Variants in LINGO2 observed in about 807,000 individuals in gnomAD.
LINGO2 encodes leucine rich repeat and Ig domain containing 2, also known as leucine-rich repeat and immunoglobulin-like domain-containing nogo receptor-interacting protein 2.
Under a neutral mutation model 30.6 loss-of-function variants are expected in LINGO2, and 14 were observed. The observed-to-expected ratio is 0.46, with a 90% CI of 0.30 to 0.72. LINGO2 has a LOEUF of 0.72. Ranked by LOEUF, LINGO2 falls within the 30% of genes least tolerant of loss-of-function variation. LINGO2 has a pLI of 0.07. For missense variants in LINGO2, 729 were observed against 751.7 expected, an observed-to-expected ratio of 0.97 and a Z score of 0.35; for synonymous variants, 317 against 288.5, an observed-to-expected ratio of 1.10 and a Z score of -1.00.
chr9:28,124,856 A>G (rs1383920110), intron 4 of LINGO2, among the ~76,000 whole-genome samples: 1 of 152,234 alleles, frequency 6.6e-6, no homozygotes, highest in East Asian at 1.9e-4. Flanking sequence ...AATCAAGTAA[A>G]TCTCTAGCGA....
the LINGO2 span, among the ~76,000 whole-genome samples, chr9:29,172,406 G>A: frequency 5.3e-5 from 8 of 151,676 alleles, no homozygotes; most frequent in Admixed American, 1.3e-4. Flanking sequence ...TTTAAAACTC[G>A]TTTAAATTAA....
chr9:28,777,316 C>A, the LINGO2 span, among the ~76,000 whole-genome samples: 1 of 152,234 alleles, frequency 6.6e-6, no homozygotes, highest in East Asian at 1.9e-4. Context: ...GAAAGGGAGG[C>A]ATAGAAACTT....
chr9:28,507,189 T>TA (rs1318342321), intron 1 of LINGO2, among the ~76,000 whole-genome samples: 3 of 150,838 alleles, frequency 2.0e-5, no homozygotes, highest in African/African-American at 7.3e-5. Flanking sequence ...AAATCAGAAA[T>TA]AGACCTTACT....
rs56166353 is a variant in LINGO2, at chr9:28,262,270, C to CT, written c.-87+32937dup. Among the ~76,000 whole-genome samples, 1,355 of 151,134 alleles carry CT rather than the reference C, an allele frequency of 9.0e-3. 25 individuals are homozygous for CT. Among genetic ancestry groups the CT allele is most frequent in the African/African-American group, 0.031 (1,295 of 41,226 alleles). On this transcript the variant is annotated intron_variant, in intron 4 of 5. Transcript: ENST00000379992. Reference sequence around the variant, plus strand: ...ACCTACTAGTCCTTACTGAATATTACTTTTTTTTTTGTCTATGCTTATGTA... The same window carrying CT: ...ACCTACTAGTCCTTACTGAATATTACTTTTTTTTTTTGTCTATGCTTATGTA...
chr9:28,794,373 A>C, the LINGO2 span, among the ~76,000 whole-genome samples: 2 of 152,188 alleles, frequency 1.3e-5, no homozygotes, highest in African/African-American at 2.4e-5. Flanking sequence ...TCTGAACTAG[A>C]TTAACTTTAT....
chr9:27,959,225 G>T (rs1158691356), intron 5 of LINGO2, among the ~76,000 whole-genome samples: 1 of 147,310 alleles, frequency 6.8e-6, no homozygotes, highest in African/African-American at 2.7e-5. Flanking sequence ...ACCAACTTTT[G>T]CTTGTATTGA....
At chr9:28,816,895 A>G in the LINGO2 span, among the ~76,000 whole-genome samples, 6 of 152,198 alleles carry the variant, frequency 3.9e-5, no homozygotes, top group Admixed American at 3.9e-4. Flanking sequence ...AGAGTACCCA[A>G]TGAAGCATTT....
chr9:28,714,688 A>C, the LINGO2 span, among the ~76,000 whole-genome samples: 31,740 of 151,976 alleles, frequency 0.21, 4,604 homozygotes, highest in African/African-American at 0.42. Context: ...CGTTATCTAG[A>C]TAGTATAATT....
chr9:28,585,185 T>A (rs939674679), intron 1 of LINGO2, among the ~76,000 whole-genome samples: 2 of 152,094 alleles, frequency 1.3e-5, no homozygotes, highest in African/African-American at 4.8e-5. Context: ...ACAACATTTT[T>A]AAAATCTCAG....
intron 2 of LINGO2, among the ~76,000 whole-genome samples, chr9:28,394,883 C>T (rs763561849): frequency 1.8e-4 from 27 of 152,302 alleles, no homozygotes; most frequent in Non-Finnish European, 3.4e-4. Flanking sequence ...TCATTTTCTT[C>T]TTTAGTAAAA....
chr9:29,188,915 A>T, the LINGO2 span, among the ~76,000 whole-genome samples: 3 of 141,560 alleles, frequency 2.1e-5, no homozygotes, highest in Non-Finnish European at 4.6e-5. Context: ...GGCCGGGCAG[A>T]GGCGCCCCTC....
At chr9:28,354,037 G>T (rs1397033927) in intron 3 of LINGO2, among the ~76,000 whole-genome samples, 1 of 152,070 alleles carries the variant, frequency 6.6e-6, no homozygotes, top group African/African-American at 2.4e-5. Context: ...AGCATCGGGA[G>T]ATATACCTAA....
the LINGO2 span, among the ~76,000 whole-genome samples, chr9:28,829,039 C>T: frequency 6.6e-6 from 1 of 152,178 alleles, no homozygotes; most frequent in African/African-American, 2.4e-5. Context: ...ACCCATGGCC[C>T]GTCCCACTCC....
chr9:28,031,040 AT>A (rs1823643892), intron 4 of LINGO2, among the ~76,000 whole-genome samples: 3 of 152,164 alleles, frequency 2.0e-5, no homozygotes, highest in South Asian at 2.1e-4. Flanking sequence ...TACTTTCCCA[AT>A]TCTAATATTG....
chr9:28,989,900 A>C, the LINGO2 span, among the ~76,000 whole-genome samples: 4 of 152,126 alleles, frequency 2.6e-5, no homozygotes, highest in African/African-American at 9.7e-5. Flanking sequence ...CAAGCTAAAG[A>C]CTGTGAAGTG....
the LINGO2 span, among the ~76,000 whole-genome samples, chr9:28,867,918 A>G: frequency 2.0e-5 from 3 of 152,194 alleles, no homozygotes; most frequent in Admixed American, 2.0e-4. Context: ...CATTTGCCCT[A>G]CAATGAAACA....
At chr9:28,543,881 T>A (rs888350492) in intron 1 of LINGO2, among the ~76,000 whole-genome samples, 4 of 152,010 alleles carry the variant, frequency 2.6e-5, no homozygotes, top group Admixed American at 2.6e-4. Context: ...TGATGTTAAA[T>A]CATAAAAACA....
At chr9:28,587,300 C>A (rs575465016) in intron 1 of LINGO2, among the ~76,000 whole-genome samples, 1 of 151,934 alleles carries the variant, frequency 6.6e-6, no homozygotes, top group Admixed American at 6.6e-5. Flanking sequence ...CATTCCTATG[C>A]CCTCATATTC....
intron 4 of LINGO2, among the ~76,000 whole-genome samples, chr9:28,207,163 C>T (rs1004733426): frequency 2.4e-4 from 36 of 152,124 alleles, no homozygotes; most frequent in Admixed American, 7.2e-4. Context: ...ACTTTAAATA[C>T]GGTAATTTTT....
Sources: allele counts gnomAD v4.1 joint callset (sites outside exome capture counted in the v4.1 genomes callset), GRCh38; gene constraint gnomAD v4.1.1; transcripts MANE v1.5; gene names NCBI Gene and HGNC (gene_info 2026-07-23, HGNC 2026-07-21).